The following CPAMD8 variants were observed in gnomAD, a reference collection of about 807,000 sequenced individuals.
CPAMD8 encodes C3 and PZP-like alpha-2-macroglobulin domain-containing protein 8.
CPAMD8 carries 146 observed loss-of-function variants against 224.7 expected under a neutral mutation model. The ratio of observed to expected loss-of-function variants is 0.65; its 90% CI spans 0.57 to 0.75. CPAMD8 has a LOEUF of 0.75. CPAMD8 is among the 30% of genes least tolerant of loss of function. The pLI, the probability that CPAMD8 is intolerant of heterozygous loss-of-function variation, is 0.00. For synonymous variants in CPAMD8, 966 were observed against 1,044.6 expected, an observed-to-expected ratio of 0.92 and a Z score of 1.45; for missense variants, 2,301 against 2,537.5, an observed-to-expected ratio of 0.91 and a Z score of 2.00.
intron 18 of CPAMD8, among the ~76,000 whole-genome samples, chr19:16,960,142 A>T (rs1340839907): frequency 5.3e-5 from 8 of 151,546 alleles, no homozygotes. Flanking sequence ...GAGTGCCTTC[A>T]TGCATTCTTG....
At chr19:16,936,778 C>T (rs2053697657) in intron 23 of CPAMD8, among the ~76,000 whole-genome samples, 1 of 152,116 alleles carries the variant, frequency 6.6e-6, no homozygotes, top group Non-Finnish European at 1.5e-5. Context: ...ATTCTAAAAA[C>T]CAGTAATTTG....
At chr19:16,911,679 G>A (rs1264443038) in intron 29 of CPAMD8, among the ~76,000 whole-genome samples, 1 of 152,160 alleles carries the variant, frequency 6.6e-6, no homozygotes, top group Non-Finnish European at 1.5e-5. Context: ...CCGAGTAGCT[G>A]GGACTACAGG....
At chr19:16,955,627 A>C (rs748195697) in intron 19 of CPAMD8, among the ~76,000 whole-genome samples, 4 of 152,176 alleles carry the variant, frequency 2.6e-5, no homozygotes, top group Non-Finnish European at 5.9e-5. Context: ...TTAAGATCGT[A>C]AATTTTATGT....
At position 16,943,092 on chromosome 19, in the gene CPAMD8, T is replaced by C. The variant is rs182445991; in HGVS notation, c.2793+2457A>G. Among the ~76,000 whole-genome samples, 11 of 150,998 alleles carry C rather than the reference T, an allele frequency of 7.3e-5. 1 individual carries two copies. Among genetic ancestry groups the C allele is most frequent in the Admixed American group, 5.3e-4 (8 of 15,120 alleles). ...TTGCAAGAGTCCCTCTGTTGCTTAC[T>C]GTAACTCTCACCTCCTGGACTCAAG... On this transcript the variant is annotated intron_variant, in intron 22 of 41. Transcript: ENST00000443236.
chr19:16,967,910 CAT>C (rs1304094123), intron 18 of CPAMD8, among the ~76,000 whole-genome samples: 1 of 146,984 alleles, frequency 6.8e-6, no homozygotes, highest in East Asian at 2.0e-4. Context: ...TATATATGTG[CAT>C]ATATACACAC....
At chr19:16,934,155 G>T (rs1170557455) in intron 23 of CPAMD8, among the ~76,000 whole-genome samples, 2 of 152,138 alleles carry the variant, frequency 1.3e-5, no homozygotes. Flanking sequence ...AAGCAGCTCA[G>T]TGGTCCCTAG....
intron 23 of CPAMD8, among the ~76,000 whole-genome samples, chr19:16,935,170 T>C (rs1009568166): frequency 1.3e-5 from 2 of 152,206 alleles, no homozygotes; most frequent in South Asian, 4.1e-4. Context: ...GAGCTCTCTG[T>C]ACCCGTTTCC....
chr19:17,022,119 G>C lies in CPAMD8; in HGVS notation c.155C>G (p.Thr52Ser). ...RAGVEEVISVTIFNSPREVTV... is the reference protein window; with the variant it reads ...RAGVEEVISVSIFNSPREVTV... ...GACTTCCCTTGGAGAGTTAAAGATG[G>C]TCACGCTGATGACTTCCTCCACGCC... The change falls in exon 2 of 42, where the codon ACC (threonine) becomes AGC (serine). Residue 52 changes from threonine (T) to serine (S), a missense_variant. Thr to Ser is a moderately conservative substitution (Grantham distance 58). Coordinates refer to ENST00000443236, the MANE Select transcript of CPAMD8 (RefSeq NM_015692.5). 1 of 1,607,258 alleles carries C rather than the reference G, an allele frequency of 6.2e-7. No homozygotes were observed. The highest frequency in any genetic ancestry group is 8.5e-7 in the Non-Finnish European group (1 of 1,176,690).
chr19:16,920,849 C>CT (rs937734107), intron 27 of CPAMD8, among the ~76,000 whole-genome samples: 12 of 125,432 alleles, frequency 9.6e-5, no homozygotes, highest in African/African-American at 3.3e-4. Context: ...GAGTTAGACT[C>CT]TATCTCAAAA....
intron 19 of CPAMD8, among the ~76,000 whole-genome samples, chr19:16,957,248 C>G (rs2054501925): frequency 1.3e-5 from 2 of 152,228 alleles, no homozygotes; most frequent in African/African-American, 4.8e-5. Flanking sequence ...ACAGCTCCAG[C>G]AGTCAGCCCA....
intron 23 of CPAMD8, 134 bp from the exon 24 acceptor site, chr19:16,929,374 G>T (rs2053478698): frequency 2.9e-6 from 2 of 688,444 alleles, no homozygotes; most frequent in Non-Finnish European, 4.9e-6. Flanking sequence ...TGGTGGAATG[G>T]TGTTGGCCTA....
rs948556941 is a variant in CPAMD8, at chr19:16,938,427, G to A, written c.2813C>T (p.Ala938Val). The A allele has an allele frequency of 5.1e-6, 8 of 1,576,416 alleles. No homozygotes were observed. Among genetic ancestry groups the A allele is most frequent in the East Asian group, 4.8e-5 (2 of 41,656 alleles). The change falls in exon 23 of 42, where the codon GCG becomes GTG. Residue 938 changes from alanine (A) to valine (V), a missense_variant. This residue lies in a region of CPAMD8 where 1,709 missense variants were observed against 1,753.2 expected (regional missense o/e 0.97). Coordinates refer to ENST00000443236, the MANE Select transcript of CPAMD8 (RefSeq NM_015692.5). Reference protein sequence around the residue: ...VMVEAEGVPRAYTYSAFFCPS... With the variant: ...VMVEAEGVPRVYTYSAFFCPS... ...ACAGAAGAATGCGCTGTAGGTGTAC[G>A]CCCGGGGGACTCCTTCCGCCTGAAA...
chr19:16,985,366 G>GGAT (rs1568564010), intron 13 of CPAMD8, among the ~76,000 whole-genome samples: 11 of 71,122 alleles, frequency 1.5e-4, no homozygotes, highest in African/African-American at 4.2e-4. Flanking sequence ...GATGGATGGA[G>GGAT]GGTAGATAAA....
intron 12 of CPAMD8, among the ~76,000 whole-genome samples, chr19:16,991,827 C>G (rs946396312): frequency 6.7e-6 from 1 of 150,172 alleles, no homozygotes; most frequent in East Asian, 2.0e-4. Context: ...TGCACTCCAG[C>G]TTGGGCGACA....
At chr19:16,914,843 G>C in intron 27 of CPAMD8, 30 bp from the exon 28 acceptor site, 1 of 1,540,296 alleles carries the variant, frequency 6.5e-7, no homozygotes, top group South Asian at 1.2e-5. Context: ...CAGCTGAGGG[G>C]TTGCAGAATG....
At position 16,993,582 on chromosome 19, in the gene CPAMD8, T is replaced by C. The variant is rs1366026439; in HGVS notation, c.1100A>G (p.Glu367Gly). ...TGGGCTGCCATCGGGGTAGGATAGC[T>C]CCACCTAGAAAAGGTCACCCAAGAC... is the stretch of plus-strand genomic sequence containing the variant. ...KPGLAYVGKV[E>G]LSYPDGSPAE... Residue 367 changes from glutamate to glycine, a missense_variant, in exon 12 of 42, where the codon GAG becomes GGG. Glu to Gly is a moderately conservative substitution (Grantham distance 98). This residue lies in a region of CPAMD8 where 301 missense variants were observed against 406.6 expected (regional missense o/e 0.74). Transcript: ENST00000443236. 6.2e-7 allele frequency: 1 copy of C among 1,613,918 alleles called. No individual in the cohort carries two copies. Among genetic ancestry groups the C allele is most frequent in the Non-Finnish European group, 8.5e-7 (1 of 1,179,916 alleles).
chr19:17,006,807 G>A (rs1462277225), intron 7 of CPAMD8, among the ~76,000 whole-genome samples: 1 of 152,108 alleles, frequency 6.6e-6, no homozygotes, highest in Non-Finnish European at 1.5e-5. Flanking sequence ...GCCACCCCGG[G>A]CTGGGATAGA....
chr19:16,911,351 C>CCTTTATTTTTTGTT (rs932393796), intron 29 of CPAMD8, among the ~76,000 whole-genome samples: 2 of 151,656 alleles, frequency 1.3e-5, no homozygotes, highest in Non-Finnish European at 2.9e-5. Flanking sequence ...CTGGCAGACT[C>CCTTTATTTTTTGTT]CTTTTTTTTT....
chr19:16,967,165 A>G (rs1428214829), intron 18 of CPAMD8, among the ~76,000 whole-genome samples: 3 of 152,134 alleles, frequency 2.0e-5, no homozygotes, highest in African/African-American at 7.2e-5. Context: ...AGCCATAAAA[A>G]AGGATGCGTT....
Sources: gnomAD v4.1 joint callset for allele counts (sites outside exome capture counted in the v4.1 genomes callset) on GRCh38, gnomAD v4.1.1 for gene constraint, gnomAD v4.1.1 regional missense constraint, MANE v1.5 for transcripts, NCBI Gene and HGNC (gene_info 2026-07-23, HGNC 2026-07-21) for gene names.